Variants in RASAL2 observed in about 807,000 individuals in gnomAD.
RASAL2 encodes ras GTPase-activating protein nGAP.
Under a neutral mutation model 128.9 loss-of-function variants are expected in RASAL2, and 58 were observed. The observed-to-expected ratio is 0.45, with a 90% CI of 0.36 to 0.56. The LOEUF is 0.56. Ranked by LOEUF, RASAL2 falls within the 20% of genes least tolerant of loss-of-function variation. The pLI is 0.00. For missense variants in RASAL2, 1,360 were observed against 1,601.6 expected (o/e 0.85, Z 2.57); for synonymous variants, 561 against 580.8 (o/e 0.97, Z 0.49).
At chr1:178,417,148 C>T (rs961814313) in intron 4 of RASAL2, among the ~76,000 whole-genome samples, 2 of 151,918 alleles carry the variant, frequency 1.3e-5, no homozygotes, top group Non-Finnish European at 2.9e-5. Context: ...TTACGCCTTT[C>T]GTAGTTGTCC....
chr1:178,413,152 G>GT (rs1557969663), intron 4 of RASAL2, among the ~76,000 whole-genome samples: 2 of 152,132 alleles, frequency 1.3e-5, no homozygotes, highest in Non-Finnish European at 2.9e-5. Flanking sequence ...TAGAGATGGG[G>GT]TTTTGCCATG....
At position 178,094,430 on chromosome 1, in the gene RASAL2, G is replaced by T; in HGVS notation, c.-63G>T. 1 of 1,433,208 alleles carries T rather than the reference G, an allele frequency of 7.0e-7. No individual in the cohort carries two copies. The highest frequency in any genetic ancestry group is 9.2e-7 in the Non-Finnish European group (1 of 1,081,144). 88.8% of individuals were successfully genotyped at this position (1,433,208 alleles called of 1,614,324 possible). On this transcript the variant is annotated 5_prime_UTR_variant, in exon 1 of 18. Coordinates refer to ENST00000367649, the MANE Select transcript of RASAL2 (RefSeq NM_170692.4). Reference sequence around the variant, plus strand: ...CTCCTCCCCTTACCGCAGGCAGGGCGCGGAGCCGCGCGCCAGCCCGCCCCG... The same window carrying T: ...CTCCTCCCCTTACCGCAGGCAGGGCTCGGAGCCGCGCGCCAGCCCGCCCCG...
chr1:178,384,583 G>A (rs1294819839), intron 3 of RASAL2, among the ~76,000 whole-genome samples: 2 of 150,692 alleles, frequency 1.3e-5, no homozygotes, highest in Admixed American at 1.3e-4. Context: ...TGGGAGGATC[G>A]TTTGAACATG....
At chr1:178,335,358 G>A (rs957558957) in intron 3 of RASAL2, among the ~76,000 whole-genome samples, 6 of 151,820 alleles carry the variant, frequency 4.0e-5, no homozygotes, top group Non-Finnish European at 8.8e-5. Context: ...AAATTCATTG[G>A]CCTATTTAAT....
chr1:178,246,575 A>G (rs1664774949), intron 1 of RASAL2, among the ~76,000 whole-genome samples: 1 of 152,000 alleles, frequency 6.6e-6, no homozygotes, highest in Non-Finnish European at 1.5e-5. Flanking sequence ...CTCTTGCCTG[A>G]TGCTCTGGCC....
chr1:178,306,631 C>A (rs939300866), intron 3 of RASAL2, among the ~76,000 whole-genome samples: 66 of 152,058 alleles, frequency 4.3e-4, no homozygotes, highest in Admixed American at 8.5e-4. Flanking sequence ...TTTTGATTTG[C>A]ATTTCTCTGA....
intron 17 of RASAL2, among the ~76,000 whole-genome samples, chr1:178,467,836 G>A (rs1647893082): frequency 6.6e-6 from 1 of 152,180 alleles, no homozygotes. Flanking sequence ...TCAACCTTTT[G>A]CCCCAGACAG....
chr1:178,218,151 A>C (rs1246084053), intron 1 of RASAL2, among the ~76,000 whole-genome samples: 1 of 152,050 alleles, frequency 6.6e-6, no homozygotes, highest in Non-Finnish European at 1.5e-5. Context: ...CATCTGCATT[A>C]CATCCTTCAC....
chr1:178,284,539 C>T (rs997521798), intron 2 of RASAL2, among the ~76,000 whole-genome samples: 3 of 152,196 alleles, frequency 2.0e-5, no homozygotes, highest in Non-Finnish European at 2.9e-5. Flanking sequence ...GGTGTACTTT[C>T]TGTTCTTCTA....
chr1:178,315,505 CATT>C (rs1193056196), intron 3 of RASAL2, among the ~76,000 whole-genome samples: 1 of 144,950 alleles, frequency 6.9e-6, no homozygotes, highest in Non-Finnish European at 1.5e-5. Context: ...GATGGTATCT[CATT>C]GTGGTTTTGA....
At chr1:178,361,015 G>C (rs1210839126) in intron 3 of RASAL2, among the ~76,000 whole-genome samples, 1 of 152,166 alleles carries the variant, frequency 6.6e-6, no homozygotes, top group East Asian at 1.9e-4. Flanking sequence ...TATTTAAGAA[G>C]TATAGACCAT....
chr1:178,404,982 G>A (rs4342816), intron 4 of RASAL2, among the ~76,000 whole-genome samples: 49,632 of 151,936 alleles, frequency 0.33, 10,055 homozygotes, highest in East Asian at 0.57. Context: ...GCACCTAGCC[G>A]AGAAATGCAC....
chr1:178,229,224 A>G (rs1000965964), intron 1 of RASAL2, among the ~76,000 whole-genome samples: 3 of 152,220 alleles, frequency 2.0e-5, no homozygotes, highest in African/African-American at 7.2e-5. Flanking sequence ...TAACCATAGT[A>G]AAATTATTAA....
At chr1:178,343,242 A>G (rs933638459) in intron 3 of RASAL2, among the ~76,000 whole-genome samples, 1 of 152,196 alleles carries the variant, frequency 6.6e-6, no homozygotes, top group Non-Finnish European at 1.5e-5. Context: ...ATGGGCAGCA[A>G]GTTATAAGGA....
At chr1:178,279,002 CAGTTACTGAATTTATATTAGCATTT>C (rs1393750883) in intron 1 of RASAL2, among the ~76,000 whole-genome samples, 6 of 152,226 alleles carry the variant, frequency 3.9e-5, no homozygotes, top group Non-Finnish European at 8.8e-5. Flanking sequence ...TTAGCATTTG[CAGTTACTGAATTTATATTAGCATTT>C]GAAGGAGCCC....
chr1:178,158,864 A>G (rs1661176914), intron 1 of RASAL2, among the ~76,000 whole-genome samples: 3 of 152,208 alleles, frequency 2.0e-5, no homozygotes, highest in African/African-American at 7.2e-5. Context: ...ATAGGTATCA[A>G]TCACTCTGAT....
chr1:178,245,400 C>T (rs1664725550), intron 1 of RASAL2, among the ~76,000 whole-genome samples: 2 of 152,178 alleles, frequency 1.3e-5, no homozygotes, highest in South Asian at 2.1e-4. Flanking sequence ...TGTTCATATC[C>T]TTCACCCACT....
intron 1 of RASAL2, among the ~76,000 whole-genome samples, chr1:178,156,355 C>G (rs1010913625): frequency 6.6e-6 from 1 of 152,102 alleles, no homozygotes; most frequent in Non-Finnish European, 1.5e-5. Context: ...GTGATTTCTA[C>G]CCTTTTCCAC....
chr1:178,184,654 T>C (rs1400140679), intron 1 of RASAL2, among the ~76,000 whole-genome samples: 4 of 152,032 alleles, frequency 2.6e-5, no homozygotes, highest in Non-Finnish European at 5.9e-5. Context: ...CTTTTTCCAG[T>C]CTCTCTATTC....
Sources: gnomAD v4.1 joint callset for allele counts (sites outside exome capture counted in the v4.1 genomes callset) on GRCh38, gnomAD v4.1.1 for gene constraint, MANE v1.5 for transcripts, NCBI Gene and HGNC (gene_info 2026-07-23, HGNC 2026-07-21) for gene names.